Variants in SOX5 observed in about 807,000 individuals in gnomAD.
The protein encoded by SOX5 is transcription factor SOX-5.
A neutral mutation model predicts 92.0 loss-of-function variants in SOX5; 9 were observed. The observed-to-expected ratio is 0.10, with a 90% confidence interval of 0.06 to 0.17. SOX5 has a LOEUF of 0.17. Ranked by LOEUF, SOX5 falls within the 10% of genes least tolerant of loss-of-function variation. SOX5 has a pLI of 1.00. For missense variants in SOX5, 642 were observed against 944.5 expected (o/e 0.68, Z 4.20); for synonymous variants, 344 against 336.3 (o/e 1.02, Z -0.25).
intron 6 of SOX5, among the ~76,000 whole-genome samples, chr12:23,677,054 A>G (rs1160589741): frequency 2.0e-5 from 3 of 152,370 alleles, no homozygotes; most frequent in African/African-American, 7.2e-5. Flanking sequence ...TTCTTCTTAT[A>G]GTAGCAACTA....
intron 1 of SOX5, among the ~76,000 whole-genome samples, chr12:24,499,706 A>G (rs950982782): frequency 1.1e-4 from 16 of 151,900 alleles, no homozygotes; most frequent in African/African-American, 3.9e-4. Context: ...CAGGCGAAGG[A>G]TGCTAATAAC....
At chr12:23,680,325 CA>C (rs57754255) in intron 6 of SOX5, among the ~76,000 whole-genome samples, 4,042 of 48,412 alleles carry the variant, frequency 0.083, 33 homozygotes, top group African/African-American at 0.14. Flanking sequence ...GACCTTGTCT[CA>C]AAAAAAAAAA....
intron 1 of SOX5, among the ~76,000 whole-genome samples, chr12:24,490,557 C>T (rs1946956109): frequency 6.6e-6 from 1 of 151,824 alleles, no homozygotes; most frequent in Admixed American, 6.6e-5. Context: ...ACCCAAACAG[C>T]AATTTTTTTC....
chr12:24,366,934 GA>G (rs1956233562), intron 2 of SOX5, among the ~76,000 whole-genome samples: 1 of 150,356 alleles, frequency 6.7e-6, no homozygotes, highest in Non-Finnish European at 1.5e-5. Flanking sequence ...AGAGGAAGGA[GA>G]AAAGAAAAAA....
intron 1 of SOX5, among the ~76,000 whole-genome samples, chr12:24,446,080 G>A (rs910888754): frequency 6.6e-6 from 1 of 152,152 alleles, no homozygotes; most frequent in Non-Finnish European, 1.5e-5. Context: ...AATATTTATT[G>A]CAATCTCCTA....
chr12:24,313,759 A>T (rs555681958), intron 2 of SOX5, among the ~76,000 whole-genome samples: 1 of 152,128 alleles, frequency 6.6e-6, no homozygotes, highest in East Asian at 1.9e-4. Context: ...GTCCACACTC[A>T]CTTCCTTACT....
intron 4 of SOX5, among the ~76,000 whole-genome samples, chr12:24,115,911 T>TAG (rs1173614596): frequency 6.6e-6 from 1 of 152,050 alleles, no homozygotes; most frequent in East Asian, 1.9e-4. Flanking sequence ...AACTGGAAAA[T>TAG]AGGAGGGTGG....
chr12:23,965,852 C>T (rs1204643483), intron 4 of SOX5, among the ~76,000 whole-genome samples: 1 of 152,072 alleles, frequency 6.6e-6, no homozygotes, highest in Non-Finnish European at 1.5e-5. Context: ...CTCCTGACTT[C>T]AAGTGATCTC....
intron 2 of SOX5, among the ~76,000 whole-genome samples, chr12:24,284,428 TTC>T (rs1945587608): frequency 2.6e-5 from 2 of 77,230 alleles, no homozygotes; most frequent in South Asian, 1.5e-3. Flanking sequence ...CACGTTTTTT[TTC>T]TTTGTGTGTG....
intron 8 of SOX5, among the ~76,000 whole-genome samples, chr12:23,614,674 A>C (rs2076343966): frequency 6.6e-6 from 1 of 152,160 alleles, no homozygotes; most frequent in Admixed American, 6.5e-5. Flanking sequence ...TCCATGTCCT[A>C]GGATTGGATT....
chr12:23,974,775 T>C (rs754225934), intron 4 of SOX5, among the ~76,000 whole-genome samples: 2 of 152,126 alleles, frequency 1.3e-5, no homozygotes, highest in African/African-American at 2.4e-5. Flanking sequence ...TAATTAGTGA[T>C]GATGTTTTGG....
intron 1 of SOX5, among the ~76,000 whole-genome samples, chr12:24,532,140 AG>A (rs1195362415): frequency 5.3e-5 from 8 of 152,334 alleles, no homozygotes; most frequent in African/African-American, 1.4e-4. Flanking sequence ...AATCCATTTA[AG>A]GGGTGTACCC....
intron 2 of SOX5, among the ~76,000 whole-genome samples, chr12:24,360,052 A>G (rs990301271): frequency 2.0e-4 from 31 of 152,244 alleles, no homozygotes; most frequent in African/African-American, 7.5e-4. Flanking sequence ...GAATAAAATA[A>G]GGGAAGGAGA....
At chr12:23,761,997 T>C (rs1473583077) in intron 3 of SOX5, among the ~76,000 whole-genome samples, 1 of 152,128 alleles carries the variant, frequency 6.6e-6, no homozygotes, top group African/African-American at 2.4e-5. Flanking sequence ...AAAATTATTT[T>C]TGAGGGGAAG....
At chr12:23,799,280 TAAC>T (rs1343814867) in intron 3 of SOX5, among the ~76,000 whole-genome samples, 1 of 152,194 alleles carries the variant, frequency 6.6e-6, no homozygotes, top group East Asian at 1.9e-4. Flanking sequence ...AACAGGGTAA[TAAC>T]AAAATCTGTT....
At chr12:23,756,907 C>T (rs1005214992) in intron 3 of SOX5, among the ~76,000 whole-genome samples, 1 of 151,826 alleles carries the variant, frequency 6.6e-6, no homozygotes, top group African/African-American at 2.4e-5. Context: ...TTCATCATCA[C>T]GTTTAGTTAA....
chr12:24,488,427 A>G (rs929712275), intron 1 of SOX5, among the ~76,000 whole-genome samples: 1 of 152,090 alleles, frequency 6.6e-6, no homozygotes, highest in African/African-American at 2.4e-5. Context: ...GTCTCTCCAA[A>G]AAAATAAATT....
chr12:23,621,833 G>A (rs1392828495), intron 8 of SOX5, among the ~76,000 whole-genome samples: 1 of 152,016 alleles, frequency 6.6e-6, no homozygotes, highest in Admixed American at 6.6e-5. Flanking sequence ...AAAAACCACG[G>A]CATTTGCTAG....
chr12:24,554,622 C>T (rs1953579452), intron 1 of SOX5, among the ~76,000 whole-genome samples: 1 of 152,106 alleles, frequency 6.6e-6, no homozygotes, highest in African/African-American at 2.4e-5. Flanking sequence ...AGAGAACCAC[C>T]TAAAAATCTG....
Sources: gnomAD v4.1 joint callset for allele counts (sites outside exome capture counted in the v4.1 genomes callset) on GRCh38, gnomAD v4.1.1 for gene constraint, MANE v1.5 for transcripts, NCBI Gene and HGNC (gene_info 2026-07-23, HGNC 2026-07-21) for gene names.